Variants in PRR5L observed in about 807,000 individuals in gnomAD.
PRR5L encodes the protein proline rich 5 like, also known as proline-rich protein 5-like.
Under a neutral mutation model 36.4 loss-of-function variants are expected in PRR5L, and 21 were observed. That is an observed-to-expected ratio of 0.58 (90% CI 0.41 to 0.83). PRR5L has a LOEUF of 0.83. PRR5L is among the 40% of genes least tolerant of loss of function. PRR5L has a pLI of 0.00. For missense variants in PRR5L, 381 were observed against 473.3 expected, an observed-to-expected ratio of 0.80 and a Z score of 1.81; for synonymous variants, 188 against 197.0, an observed-to-expected ratio of 0.95 and a Z score of 0.38.
chr11:36,394,653 C>A (rs752534934), intron 1 of PRR5L, among the ~76,000 whole-genome samples: 2 of 152,182 alleles, frequency 1.3e-5, no homozygotes, highest in African/African-American at 2.4e-5. Context: ...ATATCACCTT[C>A]TTCTCTATGC....
chr11:36,342,281 G>A (rs1345237944), intron 1 of PRR5L, among the ~76,000 whole-genome samples: 2 of 152,138 alleles, frequency 1.3e-5, no homozygotes, highest in African/African-American at 4.8e-5. Context: ...TATGTAGGCT[G>A]GCTTTGGTCT....
At chr11:36,459,158 G>A (rs1232059027) in intron 8 of PRR5L, among the ~76,000 whole-genome samples, 1 of 152,124 alleles carries the variant, frequency 6.6e-6, no homozygotes, top group Non-Finnish European at 1.5e-5. Context: ...ACCATCCCAC[G>A]CCTCTGCCTC....
chr11:36,296,744 T>G (rs1367268630), intron 1 of PRR5L, among the ~76,000 whole-genome samples: 1 of 152,234 alleles, frequency 6.6e-6, no homozygotes, highest in Non-Finnish European at 1.5e-5. Flanking sequence ...CTGCTAGTAC[T>G]AAGCTCTTTC....
intron 7 of PRR5L, among the ~76,000 whole-genome samples, chr11:36,450,439 T>C (rs1469233584): frequency 6.6e-6 from 1 of 152,190 alleles, no homozygotes; most frequent in South Asian, 2.1e-4. Flanking sequence ...GAAGCTGAAC[T>C]CCCCAGGAGT....
At chr11:36,389,096 G>T (rs193128387) in intron 1 of PRR5L, among the ~76,000 whole-genome samples, 7 of 152,156 alleles carry the variant, frequency 4.6e-5, no homozygotes, top group Non-Finnish European at 7.3e-5. Context: ...CTTATTTCCA[G>T]CTCATTGTTG....
intron 1 of PRR5L, among the ~76,000 whole-genome samples, chr11:36,299,342 A>C: frequency 6.6e-6 from 1 of 152,098 alleles, no homozygotes; most frequent in South Asian, 2.1e-4. Flanking sequence ...CTTGGAGGCC[A>C]ATCTTGGAGG....
intron 8 of PRR5L, among the ~76,000 whole-genome samples, chr11:36,453,650 C>T (rs1040288800): frequency 1.3e-5 from 2 of 152,122 alleles, no homozygotes; most frequent in African/African-American, 4.8e-5. Context: ...GCCAACCCAT[C>T]CCTGCCCTCC....
At chr11:36,322,476 G>A (rs531157116) in intron 1 of PRR5L, among the ~76,000 whole-genome samples, 11 of 152,080 alleles carry the variant, frequency 7.2e-5, no homozygotes, top group South Asian at 4.1e-4. Flanking sequence ...TCTGCCTACC[G>A]TACTTTGGTC....
chr11:36,338,311 G>T lies in PRR5L; in HGVS notation c.-126+41873G>T, dbSNP rs561810704. 7.9e-5 allele frequency among the ~76,000 whole-genome samples: 12 copies of T among 152,216 alleles called. No individual in the cohort carries two copies. The South Asian group carries it at 2.3e-3, about 29-fold the overall frequency. ...GTTCACAGTCTCTAAAACACACCTT[G>T]TATTTGTCACTTTCTCTCCATTCAT... On this transcript the variant is annotated intron_variant, in intron 1 of 8. Transcript: ENST00000530639.
At chr11:36,309,813 A>G (rs1199062438) in intron 1 of PRR5L, among the ~76,000 whole-genome samples, 1 of 152,066 alleles carries the variant, frequency 6.6e-6, no homozygotes, top group Non-Finnish European at 1.5e-5. Context: ...GAAGAGACTC[A>G]TCCATACTCA....
intron 1 of PRR5L, among the ~76,000 whole-genome samples, chr11:36,360,792 G>A (rs1857078748): frequency 6.6e-6 from 1 of 152,214 alleles, no homozygotes; most frequent in Non-Finnish European, 1.5e-5. Flanking sequence ...TGATCCAGCA[G>A]CTCAAACACA....
chr11:36,402,666 G>A (rs1590541697), intron 2 of PRR5L, among the ~76,000 whole-genome samples: 1 of 152,334 alleles, frequency 6.6e-6, no homozygotes, highest in East Asian at 1.9e-4. Flanking sequence ...AAGGCCAGGG[G>A]CCTTAATATA....
intron 1 of PRR5L, among the ~76,000 whole-genome samples, chr11:36,336,221 A>G (rs951091148): frequency 1.3e-5 from 2 of 152,188 alleles, no homozygotes; most frequent in African/African-American, 4.8e-5. Context: ...AATGTATTTT[A>G]AAAAGAAAAC....
intron 4 of PRR5L, among the ~76,000 whole-genome samples, chr11:36,424,364 A>C (rs1459068975): frequency 6.6e-6 from 1 of 152,242 alleles, no homozygotes; most frequent in East Asian, 1.9e-4. Context: ...GGTATTCTAC[A>C]CAAGTATGTA....
chr11:36,355,115 C>T (rs1433335133), intron 1 of PRR5L, among the ~76,000 whole-genome samples: 1 of 152,174 alleles, frequency 6.6e-6, no homozygotes, highest in Non-Finnish European at 1.5e-5. Context: ...TCAGATATTT[C>T]TAGAGACCGT....
chr11:36,386,893 A>T lies in PRR5L; in HGVS notation c.-125-14104A>T, dbSNP rs571862133. On this transcript the variant is annotated intron_variant, in intron 1 of 8. Coordinates refer to ENST00000530639, the MANE Select transcript of PRR5L (RefSeq NM_001160167.2). The stretch of plus-strand genomic sequence containing the variant: ...TCTGATGATAGTTAATATTATTCTA[A>T]TCAGCAGTCATAATGGTAATAAAAT... 7.9e-5 allele frequency among the ~76,000 whole-genome samples: 12 copies of T among 152,348 alleles called. No individual in the cohort carries two copies. The East Asian group carries it at 1.2e-3, about 15-fold the overall frequency.
chr11:36,439,484 C>T (rs1407490435), intron 6 of PRR5L, among the ~76,000 whole-genome samples: 4 of 152,192 alleles, frequency 2.6e-5, no homozygotes, highest in Non-Finnish European at 5.9e-5. Context: ...CAATGACTGA[C>T]TTGAATTCTG....
intron 3 of PRR5L, among the ~76,000 whole-genome samples, chr11:36,415,568 A>G (rs979784924): frequency 6.6e-6 from 1 of 152,096 alleles, no homozygotes; most frequent in Non-Finnish European, 1.5e-5. Context: ...AAAGGGTGAA[A>G]CCCTATCTCT....
chr11:36,459,695 C>T (rs1011326895), intron 8 of PRR5L, among the ~76,000 whole-genome samples: 2 of 152,206 alleles, frequency 1.3e-5, no homozygotes, highest in African/African-American at 4.8e-5. Flanking sequence ...ATACAAGATG[C>T]TCAGATCAGC....
Sources: gnomAD v4.1 joint callset for allele counts (sites outside exome capture counted in the v4.1 genomes callset) on GRCh38, gnomAD v4.1.1 for gene constraint, MANE v1.5 for transcripts, NCBI Gene and HGNC (gene_info 2026-07-23, HGNC 2026-07-21) for gene names.